Variants in GREM2 observed in about 807,000 individuals in gnomAD.
GREM2 encodes the protein gremlin-2.
GREM2 carries 11 observed loss-of-function variants against 14.2 expected under a neutral mutation model. The ratio of observed to expected loss-of-function variants is 0.78; its 90% confidence interval spans 0.49 to 1.28. The LOEUF (loss-of-function observed/expected upper bound fraction) is 1.28, where lower values mean the gene tolerates loss of function less well. GREM2 is among the 50% of genes most tolerant of loss of function. The pLI is 0.00. For missense variants in GREM2, 210 were observed against 218.5 expected (o/e 0.96, Z 0.24); for synonymous variants, 98 against 97.6 (o/e 1.00, Z -0.02).
At chr1:240,575,888 G>A (rs527659393) in intron 1 of GREM2, among the ~76,000 whole-genome samples, 15 of 141,638 alleles carry the variant, frequency 1.1e-4, no homozygotes, top group Non-Finnish European at 2.1e-4. Context: ...CTTTGGTGTT[G>A]TGTGCTCTGC....
chr1:240,522,150 C>CA (rs1191956660), intron 1 of GREM2, among the ~76,000 whole-genome samples: 9 of 143,484 alleles, frequency 6.3e-5, no homozygotes, highest in Admixed American at 4.8e-4. Context: ...AACAAACAAA[C>CA]AAAAAAAACT....
At chr1:240,505,493 A>G (rs1677657400) in intron 1 of GREM2, among the ~76,000 whole-genome samples, 1 of 152,190 alleles carries the variant, frequency 6.6e-6, no homozygotes, top group African/African-American at 2.4e-5. Context: ...AAGAGATGAA[A>G]ATAATTGAAA....
intron 1 of GREM2, among the ~76,000 whole-genome samples, chr1:240,552,471 T>C (rs1356412128): frequency 6.6e-6 from 1 of 152,116 alleles, no homozygotes; most frequent in African/African-American, 2.4e-5. Flanking sequence ...TGGTATATGC[T>C]ACAGTCCTAG....
At chr1:240,564,923 T>C in intron 1 of GREM2, among the ~76,000 whole-genome samples, 1 of 152,186 alleles carries the variant, frequency 6.6e-6, no homozygotes, top group East Asian at 1.9e-4. Flanking sequence ...TATAGTTGCT[T>C]TTGAGGGTAA....
At chr1:240,556,712 A>G (rs1366525789) in intron 1 of GREM2, among the ~76,000 whole-genome samples, 3 of 152,232 alleles carry the variant, frequency 2.0e-5, no homozygotes, top group African/African-American at 7.2e-5. Context: ...AGCGCTTTGA[A>G]ATTAAAAAAT....
chr1:240,559,157 C>T (rs1678997912), intron 1 of GREM2, among the ~76,000 whole-genome samples: 2 of 152,088 alleles, frequency 1.3e-5, no homozygotes, highest in South Asian at 4.1e-4. Context: ...ATTTCTCGAA[C>T]TCTGTTACAT....
At chr1:240,592,561 A>G (rs2102865145) in intron 1 of GREM2, among the ~76,000 whole-genome samples, 1 of 152,322 alleles carries the variant, frequency 6.6e-6, no homozygotes, top group Admixed American at 6.5e-5. Context: ...TTTAACACAG[A>G]GTCTACAATC....
At chr1:240,509,850 C>G (rs1289797949) in intron 1 of GREM2, among the ~76,000 whole-genome samples, 2 of 152,062 alleles carry the variant, frequency 1.3e-5, no homozygotes, top group African/African-American at 4.8e-5. Context: ...TGAAGAAGAT[C>G]ATCTGTATTT....
chr1:240,526,089 G>A (rs1460340876), intron 1 of GREM2, among the ~76,000 whole-genome samples: 30 of 152,106 alleles, frequency 2.0e-4, no homozygotes, highest in Admixed American at 1.8e-3. Flanking sequence ...TGGATTACCC[G>A]GGATAATCTC....
intron 1 of GREM2, among the ~76,000 whole-genome samples, chr1:240,577,254 T>C (rs1391396359): frequency 6.6e-6 from 1 of 152,168 alleles, no homozygotes; most frequent in Non-Finnish European, 1.5e-5. Flanking sequence ...ATAAAAGTGA[T>C]GTTGTCGCAA....
intron 1 of GREM2, among the ~76,000 whole-genome samples, chr1:240,497,684 C>T (rs1349880168): frequency 6.7e-6 from 1 of 148,662 alleles, no homozygotes; most frequent in Non-Finnish European, 1.5e-5. Context: ...TTTTGTCCAG[C>T]ACAATTATTA....
At chr1:240,529,092 A>G (rs1369330874) in intron 1 of GREM2, among the ~76,000 whole-genome samples, 3 of 152,128 alleles carry the variant, frequency 2.0e-5, no homozygotes, top group African/African-American at 7.2e-5. Context: ...GTAGGTCTAT[A>G]AAGGGCTTGG....
At chr1:240,583,097 A>C (rs184142831) in intron 1 of GREM2, among the ~76,000 whole-genome samples, 1 of 152,290 alleles carries the variant, frequency 6.6e-6, no homozygotes, top group East Asian at 1.9e-4. Context: ...AGTCCTAAAA[A>C]AATCATTTCC....
intron 1 of GREM2, among the ~76,000 whole-genome samples, chr1:240,584,932 G>A (rs141979008): frequency 2.2e-4 from 33 of 152,186 alleles, no homozygotes; most frequent in African/African-American, 6.5e-4. Flanking sequence ...GAGGGATGAC[G>A]GTGCTGCCAT....
chr1:240,579,825 G>T (rs1679450268), intron 1 of GREM2, among the ~76,000 whole-genome samples: 1 of 152,184 alleles, frequency 6.6e-6, no homozygotes, highest in African/African-American at 2.4e-5. Context: ...GGGGAGAGAA[G>T]GACATGAGGA....
intron 1 of GREM2, among the ~76,000 whole-genome samples, chr1:240,505,749 G>GAA (rs35390997): frequency 6.8e-6 from 1 of 147,930 alleles, no homozygotes; most frequent in African/African-American, 2.5e-5. Context: ...AGAATGATAG[G>GAA]AAAAAAAAAA....
rs1021012382 is a variant in GREM2, at chr1:240,543,586, G to C, written c.-1-50110C>G. ...TACAATTCAAGGTGAGATTTGGGAG[G>C]GGACACAGCCAAACCATACCAGGTA... On this transcript the variant is annotated intron_variant, in intron 1 of 1. Coordinates refer to ENST00000318160, the MANE Select transcript of GREM2 (RefSeq NM_022469.4). The surrounding 1 kb of genome is among the most constrained non-coding windows in gnomAD (Gnocchi z 6.4). 6.6e-6 allele frequency among the ~76,000 whole-genome samples: 1 copy of C among 152,044 alleles called. No individual in the cohort carries two copies. The highest frequency in any genetic ancestry group is 1.5e-5 in the Non-Finnish European group (1 of 68,024).
intron 1 of GREM2, among the ~76,000 whole-genome samples, chr1:240,509,826 C>T (rs1272732006): frequency 6.6e-6 from 1 of 152,096 alleles, no homozygotes; most frequent in African/African-American, 2.4e-5. Flanking sequence ...AGAAGGAATT[C>T]TGCATATTCA....
At chr1:240,560,267 G>T (rs1679014279) in intron 1 of GREM2, among the ~76,000 whole-genome samples, 1 of 152,144 alleles carries the variant, frequency 6.6e-6, no homozygotes, top group Non-Finnish European at 1.5e-5. Context: ...ATGACAACCA[G>T]TGCAGTTGGG....
Sources: allele counts gnomAD v4.1 joint callset (sites outside exome capture counted in the v4.1 genomes callset), GRCh38; gene constraint gnomAD v4.1.1; non-coding constraint Gnocchi (gnomAD v3.1); transcripts MANE v1.5; gene names NCBI Gene and HGNC (gene_info 2026-07-23, HGNC 2026-07-21).